TRAPPC10: variants seen among roughly 807,000 people sequenced by gnomAD.
TRAPPC10 encodes TRAPP 130 kDa subunit.
In TRAPPC10, 23 loss-of-function variants were observed where a neutral mutation model predicts 125.5. The observed-to-expected ratio is 0.18, with a 90% CI of 0.13 to 0.26. TRAPPC10 has a LOEUF of 0.26. Ranked by LOEUF, TRAPPC10 falls within the 10% of genes least tolerant of loss-of-function variation. The probability of loss-of-function intolerance (pLI) is 1.00; values close to 1 mark genes in which losing one functional copy is unlikely to be tolerated. For synonymous variants in TRAPPC10, 509 were observed against 518.0 expected, an observed-to-expected ratio of 0.98 and a Z score of 0.24; for missense variants, 1,123 against 1,308.4, an observed-to-expected ratio of 0.86 and a Z score of 2.19.
Position 44,074,442 on chromosome 21 carries a change from T to C in TRAPPC10, c.1157T>C (p.Val386Ala). Residue 386 changes from valine to alanine, a missense_variant, in exon 8 of 23, where the codon GTG becomes GCG. Val to Ala is a moderately conservative substitution (Grantham distance 64, BLOSUM62 0). Coordinates refer to ENST00000291574, the MANE Select transcript of TRAPPC10 (RefSeq NM_003274.5). Reference sequence around the variant, plus strand: ...ATCGACTCAAACATTGCCCACACTGTGGGGCTATGGAGCTATGCCACAGAA... The same window carrying C: ...ATCGACTCAAACATTGCCCACACTGCGGGGCTATGGAGCTATGCCACAGAA... ...AQIDSNIAHT[V>A]GLWSYATEKL... The C allele has an allele frequency of 6.2e-7, 1 of 1,614,184 alleles. No homozygotes were observed. The highest frequency in any genetic ancestry group is 2.2e-5 in the East Asian group (1 of 44,892).
chr21:44,044,730 C>G (rs1243216780), intron 3 of TRAPPC10, among the ~76,000 whole-genome samples: 1 of 132,634 alleles, frequency 7.5e-6, no homozygotes, highest in Non-Finnish European at 1.5e-5. Context: ...GTGGGGTGAT[C>G]TCAGCTCACT....
At chr21:44,072,464 GTGTTTGTT>G (rs141795138) in intron 7 of TRAPPC10, among the ~76,000 whole-genome samples, 2 of 152,078 alleles carry the variant, frequency 1.3e-5, no homozygotes, top group African/African-American at 2.4e-5. Flanking sequence ...CTCCTAGGAG[GTGTTTGTT>G]TGTTTGTTTG....
Position 44,068,690 on chromosome 21 carries a change from T to A in TRAPPC10, c.1038+4905T>A, listed in dbSNP as rs182534559. On this transcript the variant is annotated intron_variant, in intron 7 of 22. Coordinates refer to ENST00000291574, the MANE Select transcript of TRAPPC10 (RefSeq NM_003274.5). ...ATCTTGGCTCATTGTAGCCTCCGCC[T>A]CCAGGGTTCAGGCAATTCTCCTGCC... is the stretch of plus-strand genomic sequence containing the variant. Among the ~76,000 whole-genome samples, 14 of 152,142 alleles carry A rather than the reference T, an allele frequency of 9.2e-5. No homozygotes were observed. In the East Asian group the frequency reaches 2.7e-3, roughly 29 times the overall value.
chr21:44,080,928 T>C (rs1035459686), intron 13 of TRAPPC10, among the ~76,000 whole-genome samples: 5 of 151,796 alleles, frequency 3.3e-5, no homozygotes, highest in Admixed American at 6.6e-5. Flanking sequence ...AATTCACTCA[T>C]TTGAAGTTTA....
chr21:44,027,266 C>G (rs1347809880), intron 1 of TRAPPC10, among the ~76,000 whole-genome samples: 1 of 152,150 alleles, frequency 6.6e-6, no homozygotes, highest in Non-Finnish European at 1.5e-5. Flanking sequence ...AAGCGACAAA[C>G]TGACTGAACA....
rs774527342 is a variant in TRAPPC10 at position 44,063,541 on chromosome 21, G to A, written c.794G>A (p.Gly265Asp). The A allele has an allele frequency of 2.4e-5, 39 of 1,614,016 alleles. 1 individual carries two copies. The highest frequency in any genetic ancestry group is 5.3e-5 in the African/African-American group (4 of 74,930). ...TTCATGATGTGTGTTTGTTTAGATG[G>A]TGCCAACTGGCTGACTTTTTTCTGC... ...QYVVNFGAGD[G>D]ANWLTFFCQP... Residue 265 changes from glycine to aspartate, a missense_variant, in exon 7 of 23, where the codon GGT (glycine) becomes GAT (aspartate). By Grantham distance (94) the Gly-to-Asp change is moderately conservative. This residue lies in a region of TRAPPC10 where 91 missense variants were observed against 127.1 expected (regional missense o/e 0.72). Transcript: ENST00000291574. The surrounding 1 kb of genome is among the most constrained non-coding windows in gnomAD (Gnocchi z 4.4).
chr21:44,052,224 G>A, intron 3 of TRAPPC10, 56 bp from the exon 4 acceptor site: 7 of 1,445,454 alleles, frequency 4.8e-6, no homozygotes, highest in Non-Finnish European at 6.5e-6. Context: ...ACATTTTGCT[G>A]TATAAACTAA....
intron 1 of TRAPPC10, among the ~76,000 whole-genome samples, chr21:44,014,622 T>G (rs1163220473): frequency 1.4e-5 from 2 of 147,778 alleles, no homozygotes; most frequent in African/African-American, 5.1e-5. Context: ...AGAGACAGAG[T>G]TTCACCATGT....
chr21:44,079,652 C>G lies in TRAPPC10; in HGVS notation c.1558C>G (p.His520Asp). The G allele has an allele frequency of 6.2e-7, 1 of 1,611,292 alleles. No individual in the cohort carries two copies. The highest frequency in any genetic ancestry group is 8.5e-7 in the Non-Finnish European group (1 of 1,179,360). The stretch of plus-strand genomic sequence containing the variant: ...TGAGGGCTGGGCACTCCCCATCACA[C>G]ACACAAGGAAGCAGCTGGCCGAATG... ...LAEGWALPITHTRKQLAECQK... is the reference protein window; with the variant it reads ...LAEGWALPITDTRKQLAECQK... Residue 520 changes from histidine to aspartate, a missense_variant, in exon 12 of 23, where the codon CAC (histidine) becomes GAC (aspartate). By Grantham distance (81) the His-to-Asp change is moderately conservative. Coordinates refer to ENST00000291574, the MANE Select transcript of TRAPPC10 (RefSeq NM_003274.5).
chr21:44,087,110 TGCCTGTG>T lies in TRAPPC10; in HGVS notation c.2539+151_2539+157del, dbSNP rs2038189730. ...GTTCCATAGGAGCCCTGCGGCCTGA[TGCCTGTG>T]CTGGGGTCCCATCTGAGGTGATAAA... On this transcript the variant is annotated intron_variant, in intron 16 of 22. Coordinates refer to ENST00000291574, the MANE Select transcript of TRAPPC10 (RefSeq NM_003274.5). This position sits in a 1 kb window ranked among gnomAD's most constrained non-coding sequence, Gnocchi z 4.6. The T allele has an allele frequency of 1.1e-6, 1 of 870,338 alleles. No individual in the cohort carries two copies. The highest frequency in any genetic ancestry group is 1.7e-6 in the Non-Finnish European group (1 of 577,596). The allele number at this position is 870,338 out of a possible 1,614,324, so 53.9% of individuals were successfully genotyped here. A position where few individuals can be genotyped will look rare whatever the true frequency, so the allele number is the denominator to read the frequency against.
chr21:44,095,010 A>G (rs1186014721), intron 20 of TRAPPC10, among the ~76,000 whole-genome samples: 1 of 149,176 alleles, frequency 6.7e-6, no homozygotes, highest in East Asian at 1.9e-4. Context: ...ATTTAATTAA[A>G]TCAAATAATA....
intron 1 of TRAPPC10, among the ~76,000 whole-genome samples, chr21:44,023,066 T>C (rs1287610506): frequency 2.2e-5 from 3 of 137,714 alleles, no homozygotes; most frequent in Non-Finnish European, 4.6e-5. Context: ...AGAGTCTTGC[T>C]CTGTCGCCCA....
chr21:44,063,595 T>A lies in TRAPPC10; in HGVS notation c.848T>A (p.Ile283Asn), dbSNP rs141912431. Residue 283 changes from isoleucine to asparagine, a missense_variant, in exon 7 of 23, where the codon ATC becomes AAC. By Grantham distance (149) the Ile-to-Asn change is moderately radical. Transcript: ENST00000291574. The surrounding 1 kb of genome is among the most constrained non-coding windows in gnomAD (Gnocchi z 4.4). ...CQPVKSWNGL[I>N]LRKPIDMEKR... is the part of the protein sequence containing the mutation. ...CCAGTGAAGAGCTGGAACGGATTGA[T>A]CCTCCGAAAACCCATAGATATGGAG... 6.2e-7 allele frequency: 1 copy of A among 1,614,048 alleles called. No homozygotes were observed. The highest frequency in any genetic ancestry group is 8.5e-7 in the Non-Finnish European group (1 of 1,180,040).
rs189195218 is a variant in TRAPPC10, at chr21:44,075,644, C to T, written c.1300+491C>T. 7.9e-5 allele frequency among the ~76,000 whole-genome samples: 12 copies of T among 152,324 alleles called. No individual in the cohort carries two copies. In the East Asian group the frequency reaches 2.3e-3, roughly 29 times the overall value. On this transcript the variant is annotated intron_variant, in intron 9 of 22. Coordinates refer to ENST00000291574, the MANE Select transcript of TRAPPC10 (RefSeq NM_003274.5). ...GGGACTACAGGTGTGTGCTACCATA[C>T]TTGGCTAATTTTTTAATTTTTTGTA...
chr21:44,066,268 T>C (rs1424017507), intron 7 of TRAPPC10, among the ~76,000 whole-genome samples: 1 of 152,236 alleles, frequency 6.6e-6, no homozygotes, highest in African/African-American at 2.4e-5. Context: ...AAACTAGCCC[T>C]GCTCTGTAGT....
chr21:44,013,138 C>G (rs1342098385), intron 1 of TRAPPC10, among the ~76,000 whole-genome samples: 1 of 129,200 alleles, frequency 7.7e-6, no homozygotes, highest in African/African-American at 4.4e-5. Context: ...GAGGCTCGGG[C>G]GCTTAGGCGA....
At chr21:44,016,145 G>C (rs1481583927) in intron 1 of TRAPPC10, among the ~76,000 whole-genome samples, 1 of 152,218 alleles carries the variant, frequency 6.6e-6, no homozygotes, top group African/African-American at 2.4e-5. Context: ...AAAACTTGTA[G>C]TATATTTTAT....
At position 44,059,185 on chromosome 21, in the gene TRAPPC10, C is replaced by T. The variant is rs1244321745; in HGVS notation, c.761C>T (p.Ser254Phe). The change falls in exon 6 of 23, where the codon TCT becomes TTT. Residue 254 changes from serine to phenylalanine, a missense_variant. By Grantham distance (155) the Ser-to-Phe change is radical (BLOSUM62 -2). This residue lies in a region of TRAPPC10 where 91 missense variants were observed against 127.1 expected (regional missense o/e 0.72). Transcript: ENST00000291574. The surrounding 1 kb of genome is among the most constrained non-coding windows in gnomAD (Gnocchi z 4.4). ...VQYDELDALF[S>F]QYVVNFGAGD... is the part of the protein sequence containing the mutation. ...TACGACGAACTGGACGCCCTCTTCTCTCAGTATGTGGTCAACTTCGGGGCC... is the reference window on the plus strand; with the variant it reads ...TACGACGAACTGGACGCCCTCTTCTTTCAGTATGTGGTCAACTTCGGGGCC... 2 of 1,611,110 alleles carry T rather than the reference C, an allele frequency of 1.2e-6. No homozygotes were observed. The highest frequency in any genetic ancestry group is 3.4e-5 in the Admixed American group (2 of 59,320).
intron 3 of TRAPPC10, among the ~76,000 whole-genome samples, chr21:44,045,646 G>A (rs186929375): frequency 4.9e-4 from 74 of 152,016 alleles, no homozygotes; most frequent in African/African-American, 1.7e-3. Flanking sequence ...CCGCCTCCCG[G>A]GTTCAAGCGA....
Sources: allele counts gnomAD v4.1 joint callset (sites outside exome capture counted in the v4.1 genomes callset), GRCh38; gene constraint gnomAD v4.1.1; regional missense constraint gnomAD v4.1.1; non-coding constraint Gnocchi (gnomAD v3.1); transcripts MANE v1.5; gene names NCBI Gene and HGNC (gene_info 2026-07-23, HGNC 2026-07-21).